The following ADAMTS17 variants were observed in gnomAD, a reference collection of about 807,000 sequenced individuals.
ADAMTS17 encodes ADAM metallopeptidase with thrombospondin type 1 motif 17.
A neutral mutation model predicts 141.5 loss-of-function variants in ADAMTS17; 113 were observed. The observed-to-expected ratio is 0.80, with a 90% CI of 0.69 to 0.93. The LOEUF is 0.93. Among genes scored for constraint, ADAMTS17 ranks in the 40% least tolerant of loss-of-function variants. The pLI is 0.00. For synonymous variants in ADAMTS17, 768 were observed against 630.6 expected, an observed-to-expected ratio of 1.22 and a Z score of -3.27; for missense variants, 1,659 against 1,517.9, an observed-to-expected ratio of 1.09 and a Z score of -1.54.
At chr15:100,301,674 G>A (rs1044851894) in intron 3 of ADAMTS17, among the ~76,000 whole-genome samples, 20 of 151,802 alleles carry the variant, frequency 1.3e-4, no homozygotes, top group Non-Finnish European at 2.2e-4. Context: ...TTAGTAATTG[G>A]GTAGGCTATT....
At chr15:100,181,466 G>A (rs958326264) in intron 8 of ADAMTS17, among the ~76,000 whole-genome samples, 4 of 152,226 alleles carry the variant, frequency 2.6e-5, no homozygotes, top group Admixed American at 6.5e-5. Context: ...CAAGGCCCAT[G>A]GCATACTACC....
chr15:100,277,533 A>T (rs775336782), intron 4 of ADAMTS17, among the ~76,000 whole-genome samples: 16 of 152,202 alleles, frequency 1.1e-4, no homozygotes, highest in Non-Finnish European at 1.8e-4. Context: ...ATAATTAAAA[A>T]AAGAGAGAGA....
At chr15:100,256,837 C>G (rs1596375795) in intron 6 of ADAMTS17, 2 of 152,632 alleles carry the variant, frequency 1.3e-5, no homozygotes, top group Admixed American at 6.5e-5. Flanking sequence ...GTGAAGCCCC[C>G]CCAGGTGCTG....
chr15:99,977,511 T>C (rs570402190), intron 20 of ADAMTS17, among the ~76,000 whole-genome samples: 2 of 147,518 alleles, frequency 1.4e-5, no homozygotes, highest in Admixed American at 1.4e-4. Context: ...CCTCCCTGGT[T>C]GAAGTGATTC....
intron 20 of ADAMTS17, among the ~76,000 whole-genome samples, chr15:99,983,950 G>A (rs967583524): frequency 3.3e-5 from 5 of 152,108 alleles, no homozygotes; most frequent in Admixed American, 2.0e-4. Context: ...TGGCATGAGC[G>A]AGGAAAACCT....
At chr15:100,237,606 G>T (rs1022429262) in intron 7 of ADAMTS17, among the ~76,000 whole-genome samples, 1 of 152,186 alleles carries the variant, frequency 6.6e-6, no homozygotes, top group Non-Finnish European at 1.5e-5. Context: ...AGTAGGGAAA[G>T]GAGGAACGCT....
At chr15:100,093,450 G>C (rs1229691804) in intron 15 of ADAMTS17, among the ~76,000 whole-genome samples, 1 of 152,152 alleles carries the variant, frequency 6.6e-6, no homozygotes, top group African/African-American at 2.4e-5. Flanking sequence ...TTAGGGGCAA[G>C]CAGAGATGAA....
intron 15 of ADAMTS17, among the ~76,000 whole-genome samples, chr15:100,092,919 C>T (rs35978754): frequency 0.2 from 30,760 of 151,932 alleles, 3,805 homozygotes; most frequent in East Asian, 0.54. Context: ...AGGAGCAGGG[C>T]GGAATAAAGA....
intron 10 of ADAMTS17, among the ~76,000 whole-genome samples, chr15:100,147,252 C>G: frequency 6.6e-6 from 1 of 152,138 alleles, no homozygotes. Context: ...CTCAAACCAG[C>G]TGATGCTTAA....
At position 99,997,601 on chromosome 15, in the gene ADAMTS17, G is replaced by A. The variant is rs761476488; in HGVS notation, c.2592-12C>T. The A allele has an allele frequency of 1.9e-6, 3 of 1,612,618 alleles. No individual in the cohort carries two copies. In the South Asian group the frequency reaches 3.3e-5, roughly 18 times the overall value. ...GGCCTGCCACCCACCTGCCAGACGG[G>A]AGGAAAGAGAGAGAGAACGACTGGG... On this transcript the variant is annotated splice_polypyrimidine_tract_variant and intron_variant, in intron 18 of 21. Coordinates refer to ENST00000268070, the MANE Select transcript of ADAMTS17 (RefSeq NM_139057.4). This position sits in a 1 kb window ranked among gnomAD's most constrained non-coding sequence, Gnocchi z 4.7.
intron 2 of ADAMTS17, among the ~76,000 whole-genome samples, chr15:100,335,645 A>C (rs952907654): frequency 3.9e-5 from 6 of 152,152 alleles, no homozygotes; most frequent in Non-Finnish European, 8.8e-5. Flanking sequence ...ATAACTAGAA[A>C]AGTCTGGGAA....
chr15:100,247,867 C>G (rs1208068136), intron 7 of ADAMTS17, among the ~76,000 whole-genome samples: 2 of 152,092 alleles, frequency 1.3e-5, no homozygotes, highest in East Asian at 1.9e-4. Flanking sequence ...ACACCACCGT[C>G]CTGGCCAGCA....
chr15:100,331,049 G>A lies in ADAMTS17; in HGVS notation c.456C>T (p.Gly152=), dbSNP rs2046037054. 6.2e-7 allele frequency: 1 copy of A among 1,614,144 alleles called. No homozygotes were observed. The highest frequency in any genetic ancestry group is 8.5e-7 in the Non-Finnish European group (1 of 1,180,024). ...SACGAAGGLV[G]LIQLGQEQVL... is the part of the protein sequence containing the mutation. Reference sequence around the variant, plus strand: ...CCTGCTCCTGCCCAAGCTGAATGAGGCCAACCTGTCCAGAAAGGAGAAGGA... The same window carrying A: ...CCTGCTCCTGCCCAAGCTGAATGAGACCAACCTGTCCAGAAAGGAGAAGGA... Residue 152 remains glycine (G), a synonymous_variant, in exon 3 of 22, where the codon GGC becomes GGT. Coordinates refer to ENST00000268070, the MANE Select transcript of ADAMTS17 (RefSeq NM_139057.4).
At chr15:100,182,475 T>C (rs2040558968) in intron 8 of ADAMTS17, among the ~76,000 whole-genome samples, 1 of 152,168 alleles carries the variant, frequency 6.6e-6, no homozygotes, top group African/African-American at 2.4e-5. Flanking sequence ...CTCACACTCG[T>C]TGTGCTATCC....
At chr15:100,282,732 C>T (rs2044325653) in intron 3 of ADAMTS17, among the ~76,000 whole-genome samples, 1 of 143,656 alleles carries the variant, frequency 7.0e-6, no homozygotes, top group South Asian at 2.4e-4. Flanking sequence ...GGCTATACAA[C>T]ACAATTACAA....
chr15:100,215,419 C>G (rs2041939699), intron 7 of ADAMTS17, among the ~76,000 whole-genome samples: 3 of 152,214 alleles, frequency 2.0e-5, no homozygotes, highest in African/African-American at 4.8e-5. Flanking sequence ...ATTGTCATGG[C>G]AGAAGGAACC....
At chr15:100,212,106 G>A (rs1185346174) in intron 7 of ADAMTS17, among the ~76,000 whole-genome samples, 1 of 152,130 alleles carries the variant, frequency 6.6e-6, no homozygotes, top group Non-Finnish European at 1.5e-5. Context: ...GCATGTGCAC[G>A]TACCACCACC....
At chr15:99,976,701 G>A (rs2060340017) in intron 20 of ADAMTS17, 6 of 255,220 alleles carry the variant, frequency 2.4e-5, no homozygotes, top group Middle Eastern at 1.3e-3. Flanking sequence ...TCTCCACCGT[G>A]AGAGGATACC....
At chr15:100,131,132 CTG>C (rs913760647) in intron 12 of ADAMTS17, among the ~76,000 whole-genome samples, 16 of 151,974 alleles carry the variant, frequency 1.1e-4, no homozygotes, top group South Asian at 4.2e-4. Context: ...AAACCAAACA[CTG>C]TATGTTCTCA....
Sources: allele counts gnomAD v4.1 joint callset (sites outside exome capture counted in the v4.1 genomes callset), GRCh38; gene constraint gnomAD v4.1.1; non-coding constraint Gnocchi (gnomAD v3.1); transcripts MANE v1.5; gene names NCBI Gene and HGNC (gene_info 2026-07-23, HGNC 2026-07-21).